The following HSPH1 variants were observed in gnomAD, a reference collection of about 807,000 sequenced individuals.
HSPH1 encodes heat shock protein 105 kDa.
HSPH1 carries 40 observed loss-of-function variants against 100.0 expected under a neutral mutation model. The observed-to-expected ratio is 0.40, with a 90% CI of 0.31 to 0.52. The LOEUF (loss-of-function observed/expected upper bound fraction) is 0.52, where lower values mean the gene tolerates loss of function less well. Ranked by LOEUF, HSPH1 falls within the 20% of genes least tolerant of loss-of-function variation. The pLI is 0.54. For missense variants in HSPH1, 876 were observed against 1,015.1 expected (o/e 0.86, Z 1.86); for synonymous variants, 403 against 344.0 (o/e 1.17, Z -1.90).
chr13:31,158,517 C>G (rs2137656229), intron 2 of HSPH1, among the ~76,000 whole-genome samples: 1 of 133,330 alleles, frequency 7.5e-6, no homozygotes, highest in South Asian at 2.5e-4. Flanking sequence ...CCACTGCACT[C>G]TAGCCTGGGT....
At chr13:31,145,849 G>C (rs1956248330) in intron 10 of HSPH1, 81 bp from the exon 11 acceptor site, 1 of 1,323,984 alleles carries the variant, frequency 7.6e-7, no homozygotes, top group Non-Finnish European at 1.1e-6. Flanking sequence ...GGCCAGGTGG[G>C]TGGTTCATGT....
rs772403921 is a variant in HSPH1, at chr13:31,161,634, C to T, written c.-52G>A. ...CGGGTCTCGGTCTGCGTCCTCCGGC[C>T]CCCTGCCTGCTTCTCCTGCCGCCGC... On this transcript the variant is annotated 5_prime_UTR_variant, in exon 1 of 18. Coordinates refer to ENST00000320027, the MANE Select transcript of HSPH1 (RefSeq NM_006644.4). 6 of 1,602,344 alleles carry T rather than the reference C, an allele frequency of 3.7e-6. No individual in the cohort carries two copies. Among genetic ancestry groups the T allele is most frequent in the Non-Finnish European group, 5.1e-6 (6 of 1,178,400 alleles).
At chr13:31,149,914 A>AG (rs767713412) in intron 8 of HSPH1, 40 bp downstream of exon 8, 48 of 1,506,598 alleles carry the variant, frequency 3.2e-5, no homozygotes, top group Middle Eastern at 3.4e-4. Context: ...GAAACTGTTT[A>AG]AAGACTGTAC....
chr13:31,137,991 C>G (rs1955946777), intron 17 of HSPH1, among the ~76,000 whole-genome samples: 3 of 152,128 alleles, frequency 2.0e-5, no homozygotes, highest in Admixed American at 2.0e-4. Flanking sequence ...TCACATACAA[C>G]AAGACCTAGA....
intron 2 of HSPH1, among the ~76,000 whole-genome samples, chr13:31,157,369 CCT>C (rs1287901668): frequency 6.6e-5 from 10 of 152,158 alleles, no homozygotes; most frequent in East Asian, 1.9e-4. Flanking sequence ...CTTTTTCACC[CCT>C]TTTAGTTATC....
rs768468107 is a variant in HSPH1 at position 31,137,074 on chromosome 13, G to A, written c.*244C>T. 1.8e-5 allele frequency: 12 copies of A among 657,038 alleles called. No homozygotes were observed. The East Asian group carries it at 3.9e-4, about 21-fold the overall frequency. 40.7% of individuals were successfully genotyped at this position (657,038 alleles called of 1,614,324 possible). ...TCATCCTCAGTGATGCAAATGGTGA[G>A]ACTGCACAGAAAGCTTAGTATGAAT... On this transcript the variant is annotated 3_prime_UTR_variant, in exon 18 of 18. Transcript: ENST00000320027.
At chr13:31,144,309 CA>C (rs1956197449) in intron 11 of HSPH1, among the ~76,000 whole-genome samples, 1 of 152,076 alleles carries the variant, frequency 6.6e-6, no homozygotes, top group Admixed American at 6.6e-5. Context: ...CCTATTTTAC[CA>C]GCAGCCATCA....
chr13:31,150,498 A>C (rs1956448109), intron 7 of HSPH1, among the ~76,000 whole-genome samples: 1 of 152,142 alleles, frequency 6.6e-6, no homozygotes, highest in African/African-American at 2.4e-5. Flanking sequence ...ATCATAGCTC[A>C]CTGGAGCCTC....
chr13:31,148,151 C>G, intron 9 of HSPH1, 59 bp from the exon 10 acceptor site: 1 of 1,500,054 alleles, frequency 6.7e-7, no homozygotes, highest in East Asian at 2.3e-5. Context: ...GCTTACTGTG[C>G]TACACAAACA....
At position 31,145,709 on chromosome 13, in the gene HSPH1, C is replaced by A; in HGVS notation, c.1438G>T (p.Val480Phe). Reference sequence around the variant, plus strand: ...CCATGGGTGTTGACTCGCACTTTGACTTTTACTCTAGATTTTTCTCCATCT... The same window carrying A: ...CCATGGGTGTTGACTCGCACTTTGAATTTTACTCTAGATTTTTCTCCATCT... ...QKDGEKSRVK[V>F]KVRVNTHGIF... The change falls in exon 11 of 18, where the codon GTC becomes TTC. Residue 480 changes from valine to phenylalanine, a missense_variant. Transcript: ENST00000320027. 6.2e-7 allele frequency: 1 copy of A among 1,613,672 alleles called. No individual in the cohort carries two copies. Among genetic ancestry groups the A allele is most frequent in the Non-Finnish European group, 8.5e-7 (1 of 1,179,762 alleles).
intron 15 of HSPH1, 25 bp from the exon 16 acceptor site, chr13:31,138,925 TA>T (rs1565994154): frequency 6.3e-7 from 1 of 1,574,910 alleles, no homozygotes; most frequent in Admixed American, 1.7e-5. Flanking sequence ...AATAAATTAA[TA>T]GTTATCATAA....
chr13:31,148,121 A>C (rs1956336440), intron 9 of HSPH1, 29 bp from the exon 10 acceptor site: 1 of 1,594,152 alleles, frequency 6.3e-7, no homozygotes, highest in African/African-American at 1.4e-5. Flanking sequence ...GGCATTCAGC[A>C]GATGAAGAAC....
chr13:31,154,796 TTA>T (rs1474653487), intron 3 of HSPH1, 41 bp from the exon 4 acceptor site: 8 of 1,558,956 alleles, frequency 5.1e-6, no homozygotes, highest in Non-Finnish European at 7.0e-6. Flanking sequence ...TTGTAGTACT[TTA>T]AGCTACATGC....
At position 31,161,793 on chromosome 13, in the gene HSPH1, G is replaced by GA; in HGVS notation, c.-212dup. On this transcript the variant is annotated 5_prime_UTR_variant, in exon 1 of 18. Coordinates refer to ENST00000320027, the MANE Select transcript of HSPH1 (RefSeq NM_006644.4). ...GGGGACAGCGGCGGCTGGCTGATAA[G>GA]AAACCCTGGGAGAAAGCGGGGCTCA... 1.3e-6 allele frequency: 2 copies of GA among 1,492,876 alleles called. No individual in the cohort carries two copies. Among genetic ancestry groups the GA allele is most frequent in the Non-Finnish European group, 1.8e-6 (2 of 1,122,384 alleles). The allele number at this position is 1,492,876 out of a possible 1,614,324, so 92.5% of individuals were successfully genotyped here.
chr13:31,156,222 C>G (rs556863697), intron 2 of HSPH1, among the ~76,000 whole-genome samples: 1 of 152,252 alleles, frequency 6.6e-6, no homozygotes, highest in Admixed American at 6.5e-5. Flanking sequence ...AACCCCGTCT[C>G]TACTAAAAAT....
chr13:31,154,419 A>G (rs1956603245), intron 4 of HSPH1: 4 of 597,580 alleles, frequency 6.7e-6, no homozygotes, highest in South Asian at 3.9e-5. Context: ...AAGTCTCACA[A>G]GAGATTTTGA....
At position 31,138,554 on chromosome 13, in the gene HSPH1, G is replaced by A. The variant is rs1186111142; in HGVS notation, c.2223C>T (p.Asn741=). ...ADFRNKDEKY[N]HIDESEMKKV... Reference sequence around the variant, plus strand: ...TTTTCATTTCAGACTCATCAATATGGTTGTATTTCTCATCCTGAACAAAAA... The same window carrying A: ...TTTTCATTTCAGACTCATCAATATGATTGTATTTCTCATCCTGAACAAAAA... Residue 741 remains asparagine, a synonymous_variant, in exon 17 of 18, where the codon AAC becomes AAT. Coordinates refer to ENST00000320027, the MANE Select transcript of HSPH1 (RefSeq NM_006644.4). 1.9e-6 allele frequency: 3 copies of A among 1,607,588 alleles called. No homozygotes were observed. The highest frequency in any genetic ancestry group is 1.7e-5 in the Admixed American group (1 of 58,370).
chr13:31,138,028 T>G (rs1157279915), intron 17 of HSPH1, among the ~76,000 whole-genome samples: 3 of 152,120 alleles, frequency 2.0e-5, no homozygotes, highest in Non-Finnish European at 4.4e-5. Context: ...TTCCTTACTT[T>G]GTTTCCCTAT....
intron 8 of HSPH1, 65 bp downstream of exon 8, chr13:31,149,889 T>C: frequency 7.8e-7 from 1 of 1,280,190 alleles, no homozygotes; most frequent in Non-Finnish European, 1.1e-6. Context: ...TATCCCACCA[T>C]GACGACATCC....
Sources: gnomAD v4.1 joint callset for allele counts (sites outside exome capture counted in the v4.1 genomes callset) on GRCh38, gnomAD v4.1.1 for gene constraint, MANE v1.5 for transcripts, NCBI Gene and HGNC (gene_info 2026-07-23, HGNC 2026-07-21) for gene names.